Variants in HDDC2 observed in about 807,000 individuals in gnomAD.
HDDC2 encodes HD domain containing 2, also known as 5'-deoxynucleotidase HDDC2.
HDDC2 carries 25 observed loss-of-function variants against 25.5 expected under a neutral mutation model. The observed-to-expected ratio is 0.98, with a 90% CI of 0.72 to 1.37. The LOEUF is 1.37. HDDC2 is among the 40% of genes most tolerant of loss of function. The pLI, the probability that HDDC2 is intolerant of heterozygous loss-of-function variation, is 0.00. For missense variants in HDDC2, 264 were observed against 253.1 expected (o/e 1.04, Z -0.29); for synonymous variants, 106 against 89.7 (o/e 1.18, Z -1.03).
At chr6:125,287,679 G>A (rs750003584) in intron 4 of HDDC2, among the ~76,000 whole-genome samples, 1 of 152,188 alleles carries the variant, frequency 6.6e-6, no homozygotes, top group African/African-American at 2.4e-5. Context: ...TGAAGCACAG[G>A]AGGGGTGTGG....
At chr6:125,297,350 T>C in intron 3 of HDDC2, 1 of 386,680 alleles carries the variant, frequency 2.6e-6, no homozygotes, top group African/African-American at 2.1e-5. Flanking sequence ...TTTTCCTGTC[T>C]TGGTCAGCCT....
chr6:125,282,319 C>A (rs1482145714), intron 4 of HDDC2, among the ~76,000 whole-genome samples: 1 of 150,642 alleles, frequency 6.6e-6, no homozygotes, highest in Non-Finnish European at 1.5e-5. Context: ...GCACTCCAGC[C>A]CAGGCCAATA....
At chr6:125,281,002 G>A (rs1483325870) in intron 4 of HDDC2, among the ~76,000 whole-genome samples, 2 of 152,246 alleles carry the variant, frequency 1.3e-5, no homozygotes, top group Non-Finnish European at 2.9e-5. Context: ...AGCTTCTAGA[G>A]GAAGGAACAG....
intron 3 of HDDC2, among the ~76,000 whole-genome samples, chr6:125,296,491 C>G (rs190008207): frequency 6.6e-6 from 1 of 152,176 alleles, no homozygotes; most frequent in Non-Finnish European, 1.5e-5. Context: ...GTTCAGACAT[C>G]CAAATCTTGT....
chr6:125,295,919 A>G (rs957738300), intron 3 of HDDC2, among the ~76,000 whole-genome samples: 3 of 152,128 alleles, frequency 2.0e-5, no homozygotes, highest in Non-Finnish European at 2.9e-5. Context: ...GTGTATGTTA[A>G]TATGTTTAGG....
At chr6:125,300,941 T>C (rs1798791260) in intron 1 of HDDC2, among the ~76,000 whole-genome samples, 1 of 152,170 alleles carries the variant, frequency 6.6e-6, no homozygotes. Flanking sequence ...CATATGCAAG[T>C]CCTTTAAACA....
intron 4 of HDDC2, among the ~76,000 whole-genome samples, chr6:125,283,877 A>G (rs1162787611): frequency 2.0e-5 from 3 of 152,214 alleles, no homozygotes; most frequent in African/African-American, 7.2e-5. Context: ...AACCAAAAAG[A>G]ACAAAACTGA....
chr6:125,285,522 T>C (rs73772423), intron 4 of HDDC2, among the ~76,000 whole-genome samples: 2,910 of 151,612 alleles, frequency 0.019, 86 homozygotes, highest in African/African-American at 0.067. Flanking sequence ...TATAAAGAGT[T>C]TGAGATAAGG....
intron 3 of HDDC2, among the ~76,000 whole-genome samples, chr6:125,298,055 C>T (rs922759495): frequency 3.3e-5 from 5 of 152,232 alleles, no homozygotes; most frequent in East Asian, 1.9e-4. Context: ...AGAATTCCTA[C>T]AAATTCATTT....
Position 125,275,895 on chromosome 6 carries a change from A to G in HDDC2, c.*251T>C, listed in dbSNP as rs1017886644. On this transcript the variant is annotated 3_prime_UTR_variant, in exon 6 of 6. Transcript: ENST00000398153. Reference sequence around the variant, plus strand: ...AATATTCTAATATTTTAGGTGTTTAATATTTATTTATTTAGTTCATAAACA... The same window carrying G: ...AATATTCTAATATTTTAGGTGTTTAGTATTTATTTATTTAGTTCATAAACA... The G allele has an allele frequency of 9.0e-6, 4 of 443,628 alleles. No individual in the cohort carries two copies. The highest frequency in any genetic ancestry group is 6.1e-5 in the African/African-American group (3 of 49,578). The allele number at this position is 443,628 out of a possible 1,614,324, so 27.5% of individuals were successfully genotyped here.
intron 5 of HDDC2, chr6:125,276,542 T>C (rs900424293): frequency 3.6e-4 from 134 of 372,460 alleles, no homozygotes; most frequent in Non-Finnish European, 3.7e-4. Flanking sequence ...CCAGGAACTA[T>C]GGGAAAACTC....
intron 4 of HDDC2, chr6:125,278,244 C>G (rs548093860): frequency 6.6e-6 from 1 of 152,258 alleles, no homozygotes; most frequent in Non-Finnish European, 1.5e-5. Context: ...AATATGGAAC[C>G]AAATACACTT....
At chr6:125,289,122 A>G in intron 4 of HDDC2, among the ~76,000 whole-genome samples, 1 of 128,964 alleles carries the variant, frequency 7.8e-6, no homozygotes, top group East Asian at 2.1e-4. Flanking sequence ...AAAATGTGGC[A>G]CATATACACC....
chr6:125,280,515 AGT>A (rs1798441324), intron 4 of HDDC2, among the ~76,000 whole-genome samples: 1 of 152,208 alleles, frequency 6.6e-6, no homozygotes, highest in Non-Finnish European at 1.5e-5. Context: ...CCAGCACAGC[AGT>A]GTGAAGTCAA....
rs528695961 is a variant in HDDC2, at chr6:125,300,832, A to G, written c.85-173T>C. ...ATGATAGACATCTGGAATCAAATGA[A>G]CTAGAGAGCTCAGAGAATGAAAGGG... On this transcript the variant is annotated intron_variant, in intron 1 of 5. Coordinates refer to ENST00000398153, the MANE Select transcript of HDDC2 (RefSeq NM_016063.3). Among the ~76,000 whole-genome samples, 10 of 152,310 alleles carry G rather than the reference A, an allele frequency of 6.6e-5. No individual in the cohort carries two copies. In the East Asian group the frequency reaches 1.9e-3, roughly 29 times the overall value.
At chr6:125,300,329 C>G in intron 2 of HDDC2, 1 of 558,888 alleles carries the variant, frequency 1.8e-6, no homozygotes, top group East Asian at 3.1e-5. Flanking sequence ...TAGGCAGGCT[C>G]TATCACTTGC....
Position 125,289,615 on chromosome 6 carries a change from C to T in HDDC2, c.378+3226G>A, listed in dbSNP as rs1798600521. ...AAGTTTATCTTTTGCATCTTCCCCT[C>T]TCCAACCTCCTAGTGACTCTCCCTC... On this transcript the variant is annotated intron_variant, in intron 4 of 5. Transcript: ENST00000398153. Among the ~76,000 whole-genome samples the T allele has an allele frequency of 1.3e-5, 2 of 152,144 alleles. 1 individual carries two copies. The highest frequency in any genetic ancestry group is 4.1e-4 in the South Asian group (2 of 4,830).
chr6:125,301,943 A>C lies in HDDC2; in HGVS notation c.-11T>G. The C allele has an allele frequency of 6.5e-7, 1 of 1,545,548 alleles. No homozygotes were observed. Among genetic ancestry groups the C allele is most frequent in the Non-Finnish European group, 8.7e-7 (1 of 1,147,182 alleles). ...GGAGACCGAAGCCATGCGGCCACCG[A>C]CCCCGGCTGGGCGGAGCAGGCCGCG... On this transcript the variant is annotated 5_prime_UTR_variant, in exon 1 of 6. Transcript: ENST00000398153.
intron 3 of HDDC2, among the ~76,000 whole-genome samples, chr6:125,293,578 T>A (rs1382593984): frequency 6.6e-6 from 1 of 152,158 alleles, no homozygotes; most frequent in African/African-American, 2.4e-5. Context: ...CAAAAATGTG[T>A]GCATTGGTAG....
Sources: allele counts gnomAD v4.1 joint callset (sites outside exome capture counted in the v4.1 genomes callset), GRCh38; gene constraint gnomAD v4.1.1; transcripts MANE v1.5; gene names NCBI Gene and HGNC (gene_info 2026-07-23, HGNC 2026-07-21).